Variants in MACROD2 observed in about 807,000 individuals in gnomAD.
The protein encoded by MACROD2 is mono-ADP ribosylhydrolase 2, also known as ADP-ribose glycohydrolase MACROD2.
Under a neutral mutation model 70.4 loss-of-function variants are expected in MACROD2, and 36 were observed. That is an observed-to-expected ratio of 0.51 (90% CI 0.39 to 0.68). The LOEUF (loss-of-function observed/expected upper bound fraction) is 0.68, where lower values mean the gene tolerates loss of function less well. Ranked by LOEUF, MACROD2 falls within the 30% of genes least tolerant of loss-of-function variation. The probability of loss-of-function intolerance (pLI) is 0.00; values close to 1 mark genes in which losing one functional copy is unlikely to be tolerated. For missense variants in MACROD2, 496 were observed against 538.4 expected (o/e 0.92, Z 0.78); for synonymous variants, 172 against 178.8 (o/e 0.96, Z 0.30).
intron 5 of MACROD2, among the ~76,000 whole-genome samples, chr20:14,705,984 T>A (rs1261330987): frequency 6.6e-6 from 1 of 152,100 alleles, no homozygotes; most frequent in Non-Finnish European, 1.5e-5. Context: ...ATTTTAAAAA[T>A]TCTCTTTTAT....
chr20:15,850,527 T>C (rs1480883487), intron 8 of MACROD2, among the ~76,000 whole-genome samples: 1 of 152,218 alleles, frequency 6.6e-6, no homozygotes, highest in Non-Finnish European at 1.5e-5. Flanking sequence ...GGCCCGCTTA[T>C]CTTTTATGGA....
chr20:14,451,447 G>A (rs773969955), intron 3 of MACROD2, among the ~76,000 whole-genome samples: 11 of 151,978 alleles, frequency 7.2e-5, no homozygotes, highest in Non-Finnish European at 1.5e-4. Flanking sequence ...ACTGTGTCTC[G>A]ACAAAAAAAC....
intron 5 of MACROD2, among the ~76,000 whole-genome samples, chr20:14,878,705 C>A (rs926162625): frequency 6.6e-6 from 1 of 152,052 alleles, no homozygotes; most frequent in Non-Finnish European, 1.5e-5. Context: ...AAATAGTTTA[C>A]TGGCCGAGTT....
chr20:15,876,524 T>C (rs909580705), intron 9 of MACROD2, among the ~76,000 whole-genome samples: 9 of 152,110 alleles, frequency 5.9e-5, no homozygotes, highest in African/African-American at 2.2e-4. Context: ...TGTTGGACAT[T>C]TGGGTTGGTT....
chr20:15,183,530 A>T (rs1224804242), intron 5 of MACROD2, among the ~76,000 whole-genome samples: 2 of 152,060 alleles, frequency 1.3e-5, no homozygotes, highest in African/African-American at 4.8e-5. Context: ...CTTATTTACT[A>T]TATTGCACTC....
In MACROD2 at chr20:14,193,979, G is replaced by A. The variant is rs549811703; in HGVS notation, c.271+108251G>A. 7.2e-5 allele frequency among the ~76,000 whole-genome samples: 11 copies of A among 152,278 alleles called. No individual in the cohort carries two copies. In the South Asian group the frequency reaches 2.1e-3, roughly 29 times the overall value. On this transcript the variant is annotated intron_variant, in intron 3 of 17. Coordinates refer to ENST00000684519, the MANE Select transcript of MACROD2 (RefSeq NM_001351661.2). ...GGGGACAGAATTTTATTGGAAGAAG[G>A]TCCAATTGAAGGAGTGCTAACCTTT...
At chr20:14,240,525 T>C (rs936234379) in intron 3 of MACROD2, among the ~76,000 whole-genome samples, 15 of 152,130 alleles carry the variant, frequency 9.9e-5, no homozygotes, top group Admixed American at 9.8e-4. Context: ...ATGGATGAGA[T>C]CATGTCCTTT....
At chr20:15,241,901 C>G (rs2077063263) in intron 6 of MACROD2, among the ~76,000 whole-genome samples, 1 of 152,018 alleles carries the variant, frequency 6.6e-6, no homozygotes, top group Non-Finnish European at 1.5e-5. Context: ...GTGACATGTT[C>G]TGTTGCTCAC....
At chr20:14,572,610 G>A (rs1004094618) in intron 4 of MACROD2, among the ~76,000 whole-genome samples, 2 of 152,090 alleles carry the variant, frequency 1.3e-5, no homozygotes, top group African/African-American at 2.4e-5. Flanking sequence ...AGAAAATGAA[G>A]TTAGATGTTA....
intron 5 of MACROD2, among the ~76,000 whole-genome samples, chr20:15,155,416 A>G (rs1463013890): frequency 6.6e-6 from 1 of 152,030 alleles, no homozygotes; most frequent in East Asian, 1.9e-4. Context: ...CATCCCTAAC[A>G]ATCTGTCTGA....
chr20:14,403,826 A>G (rs966694023), intron 3 of MACROD2, among the ~76,000 whole-genome samples: 26 of 152,292 alleles, frequency 1.7e-4, no homozygotes, highest in Middle Eastern at 6.8e-3. Context: ...ATTCCTGTAG[A>G]TAAAGCTCTA....
chr20:14,270,324 G>T (rs1458381914), intron 3 of MACROD2, among the ~76,000 whole-genome samples: 1 of 152,166 alleles, frequency 6.6e-6, no homozygotes, highest in East Asian at 1.9e-4. Context: ...GGGCACAGTG[G>T]CTTATGCCTA....
chr20:15,407,719 T>C (rs1271059896), intron 6 of MACROD2, among the ~76,000 whole-genome samples: 1 of 152,204 alleles, frequency 6.6e-6, no homozygotes, highest in African/African-American at 2.4e-5. Context: ...ACCTATTTGA[T>C]GGGCTTGTTT....
chr20:16,028,902 T>C (rs1000806201), intron 15 of MACROD2, among the ~76,000 whole-genome samples: 5 of 152,214 alleles, frequency 3.3e-5, no homozygotes, highest in African/African-American at 1.2e-4. Context: ...AAGCATGGAC[T>C]AAGTGTAAAT....
At chr20:14,651,507 T>C (rs549371899) in intron 4 of MACROD2, among the ~76,000 whole-genome samples, 1 of 152,282 alleles carries the variant, frequency 6.6e-6, no homozygotes, top group East Asian at 1.9e-4. Context: ...CAAGGTTATA[T>C]AGGAGTAATA....
intron 6 of MACROD2, among the ~76,000 whole-genome samples, chr20:15,340,130 C>CTTTCT (rs2078093641): frequency 2.5e-5 from 1 of 39,288 alleles, no homozygotes; most frequent in Non-Finnish European, 4.3e-5. Context: ...TTCTTTCTTT[C>CTTTCT]TTTTTTTTTT....
intron 6 of MACROD2, among the ~76,000 whole-genome samples, chr20:15,410,959 A>G (rs1312012948): frequency 6.6e-6 from 1 of 152,172 alleles, no homozygotes; most frequent in Non-Finnish European, 1.5e-5. Context: ...GTGCCGTACA[A>G]TCTTTTTAGG....
At chr20:15,869,238 T>TATATATATATATATAGAGAGAGAGAG in intron 9 of MACROD2, among the ~76,000 whole-genome samples, 22 of 28,288 alleles carry the variant, frequency 7.8e-4, no homozygotes, top group East Asian at 3.7e-3. Context: ...TATATATATA[T>TATATATATATATATAGAGAGAGAGAG]AGAGAGAGAG....
At chr20:14,068,572 T>C (rs967928433) in intron 2 of MACROD2, among the ~76,000 whole-genome samples, 1 of 152,128 alleles carries the variant, frequency 6.6e-6, no homozygotes, top group South Asian at 2.1e-4. Flanking sequence ...GTAACATTCA[T>C]AGGAAGTTTT....
Sources: allele counts gnomAD v4.1 joint callset (sites outside exome capture counted in the v4.1 genomes callset), GRCh38; gene constraint gnomAD v4.1.1; transcripts MANE v1.5; gene names NCBI Gene and HGNC (gene_info 2026-07-23, HGNC 2026-07-21).